Variants in SPATA31C2 observed in about 807,000 individuals in gnomAD.
SPATA31C2 encodes spermatogenesis-associated protein 31C2.
Under a neutral mutation model 11.4 loss-of-function variants are expected in SPATA31C2, and 5 were observed. The ratio of observed to expected loss-of-function variants is 0.44; its 90% confidence interval spans 0.23 to 0.92. The LOEUF (loss-of-function observed/expected upper bound fraction) is 0.92, where lower values mean the gene tolerates loss of function less well. Among genes scored for constraint, SPATA31C2 ranks in the 40% least tolerant of loss-of-function variants. SPATA31C2 has a pLI of 0.24. For synonymous variants in SPATA31C2, 515 were observed against 538.7 expected (o/e 0.96, Z 0.61); for missense variants, 1,353 against 1,368.6 (o/e 0.99, Z 0.18).
In SPATA31C2 at chr9:88,132,125, C is replaced by T; in HGVS notation, c.912G>A (p.Gln304=). 1 of 1,610,620 alleles carries T rather than the reference C, an allele frequency of 6.2e-7. No homozygotes were observed. The highest frequency in any genetic ancestry group is 8.5e-7 in the Non-Finnish European group (1 of 1,177,584). ...KTWCVFNSSV[Q]QDHLSRQRDT... ...CCCTTTGGCGGGAAAGATGATCTTG[C>T]TGGACTGACGAGTTGAAGACGCACC... Residue 304 remains glutamine, a synonymous_variant, in exon 4 of 4, where the codon CAG becomes CAA. Transcript: ENST00000324915.
chr9:88,132,690 T>C lies in SPATA31C2; in HGVS notation c.347A>G (p.Glu116Gly). 5.0e-6 allele frequency: 8 copies of C among 1,605,798 alleles called. No individual in the cohort carries two copies. The highest frequency in any genetic ancestry group is 6.8e-6 in the Non-Finnish European group (8 of 1,176,372). Residue 116 changes from glutamate (E) to glycine (G), a missense_variant, in exon 4 of 4, where the codon GAA becomes GGA. Glu to Gly is a moderately conservative substitution (Grantham distance 98). Transcript: ENST00000324915. ...AGAGAGCTGACCAAAGTCACCTTTT[T>C]CAAGGTGTGGCCCCAGGAGGCTGCA... ...QLQSLLGPHLEKGDFGQLSGP... is the reference protein window; with the variant it reads ...QLQSLLGPHLGKGDFGQLSGP...
At chr9:88,135,991 T>C (rs1825675234) in intron 1 of SPATA31C2, among the ~76,000 whole-genome samples, 2 of 136,462 alleles carry the variant, frequency 1.5e-5, no homozygotes. Context: ...TGGAGTGCAG[T>C]GGCACGCTCT....
chr9:88,134,109 C>T lies in SPATA31C2; in HGVS notation c.190-440G>A, dbSNP rs535199551. 2.0e-5 allele frequency among the ~76,000 whole-genome samples: 3 copies of T among 149,444 alleles called. No homozygotes were observed. The Admixed American group carries it at 2.0e-4, about 10-fold the overall frequency. On this transcript the variant is annotated intron_variant, in intron 1 of 3. Coordinates refer to ENST00000324915, the MANE Select transcript of SPATA31C2 (RefSeq NM_001350978.3). ...AGCAAAGGTGGCACTGAGCCGGTATCGCTCCATTTCACTGCAGCCTGCACA... is the reference window on the plus strand; with the variant it reads ...AGCAAAGGTGGCACTGAGCCGGTATTGCTCCATTTCACTGCAGCCTGCACA...
Position 88,132,060 on chromosome 9 carries a change from A to C in SPATA31C2, c.977T>G (p.Leu326Arg). The C allele has an allele frequency of 6.2e-7, 1 of 1,610,838 alleles. No homozygotes were observed. The highest frequency in any genetic ancestry group is 1.7e-5 in the Admixed American group (1 of 59,840). Reference protein sequence around the residue: ...MSPLLFQAQPLSHLEPESQPF... With the variant: ...MSPLLFQAQPRSHLEPESQPF... The stretch of plus-strand genomic sequence containing the variant: ...TTGGGACTCAGGCTCCAGATGGGAC[A>C]GGGGCTGGGCCTGGAAAAGCAGTGG... Residue 326 changes from leucine to arginine, a missense_variant, in exon 4 of 4, where the codon CTG becomes CGG. By Grantham distance (102) the Leu-to-Arg change is moderately radical. This residue lies in a region of SPATA31C2 where 1,075 missense variants were observed against 992.8 expected (regional missense o/e 1.08). Transcript: ENST00000324915.
Position 88,130,768 on chromosome 9 carries a change from A to G in SPATA31C2, c.2269T>C (p.Leu757=), listed in dbSNP as rs533439203. Reference sequence around the variant, plus strand: ...TCCTGTCCAGCTGTAGGAGCCTTCAAGGACCCATGATCATTCGAAGATGGG... The same window carrying G: ...TCCTGTCCAGCTGTAGGAGCCTTCAGGGACCCATGATCATTCGAAGATGGG... The part of the protein sequence containing the change: ...GIPSSNDHGS[L]KAPTAGQEGR... Residue 757 remains leucine, a synonymous_variant, in exon 4 of 4, where the codon TTG becomes CTG. Transcript: ENST00000324915. 6.2e-7 allele frequency: 1 copy of G among 1,613,258 alleles called. No homozygotes were observed. Among genetic ancestry groups the G allele is most frequent in the South Asian group, 1.1e-5 (1 of 91,044 alleles).
Position 88,131,422 on chromosome 9 carries a change from C to G in SPATA31C2, c.1615G>C (p.Val539Leu). 1 of 1,611,978 alleles carries G rather than the reference C, an allele frequency of 6.2e-7. No homozygotes were observed. The highest frequency in any genetic ancestry group is 8.5e-7 in the Non-Finnish European group (1 of 1,179,864). ...SRGMESFPGK[V>L]LGATSEESER... ...GACTCCTCAGAGGTCGCCCCCAGAACCTTCCCTGGGAAGCTTTCCATGCCC... is the reference window on the plus strand; with the variant it reads ...GACTCCTCAGAGGTCGCCCCCAGAAGCTTCCCTGGGAAGCTTTCCATGCCC... Residue 539 changes from valine to leucine, a missense_variant, in exon 4 of 4, where the codon GTT becomes CTT. Physicochemically the swap from Val to Leu is conservative, Grantham distance 32 (BLOSUM62 1). Coordinates refer to ENST00000324915, the MANE Select transcript of SPATA31C2 (RefSeq NM_001350978.3).
rs1412780149 is a variant in SPATA31C2 at position 88,131,397 on chromosome 9, G to C, written c.1640C>G (p.Ser547Trp). Residue 547 changes from serine to tryptophan, a missense_variant, in exon 4 of 4, where the codon TCG becomes TGG. Physicochemically the swap from Ser to Trp is radical, Grantham distance 177 (BLOSUM62 -3). Coordinates refer to ENST00000324915, the MANE Select transcript of SPATA31C2 (RefSeq NM_001350978.3). ...CAAGGGCTTCCTCAGGTTCCTTTCC[G>C]ACTCCTCAGAGGTCGCCCCCAGAAC... ...GKVLGATSEE[S>W]ERNLRKPLRS... 1 of 1,611,880 alleles carries C rather than the reference G, an allele frequency of 6.2e-7. No homozygotes were observed. The highest frequency in any genetic ancestry group is 1.7e-5 in the Admixed American group (1 of 60,002).
Position 88,130,773 on chromosome 9 carries a change from C to T in SPATA31C2, c.2264G>A (p.Gly755Glu). Reference protein sequence around the residue: ...PRGIPSSNDHGSLKAPTAGQE... With the variant: ...PRGIPSSNDHESLKAPTAGQE... ...TCCAGCTGTAGGAGCCTTCAAGGAC[C>T]CATGATCATTCGAAGATGGGATCCC... Residue 755 changes from glycine to glutamate, a missense_variant, in exon 4 of 4, where the codon GGG (glycine) becomes GAG (glutamate). Physicochemically the swap from Gly to Glu is moderately conservative, Grantham distance 98. Coordinates refer to ENST00000324915, the MANE Select transcript of SPATA31C2 (RefSeq NM_001350978.3). The T allele has an allele frequency of 6.2e-7, 1 of 1,613,174 alleles. No individual in the cohort carries two copies. Among genetic ancestry groups the T allele is most frequent in the South Asian group, 1.1e-5 (1 of 91,036 alleles).
chr9:88,131,992 C>A lies in SPATA31C2; in HGVS notation c.1045G>T (p.Ala349Ser). 6.2e-7 allele frequency: 1 copy of A among 1,610,996 alleles called. No homozygotes were observed. The highest frequency in any genetic ancestry group is 1.1e-5 in the South Asian group (1 of 91,022). ...AGATGGGCCTGAGCCTCGGCCTGAG[C>A]CATAGGTGTGGGCCAGAATTGGGGT... ...STPQFWPTPM[A>S]QAEAQAHLQS... The change falls in exon 4 of 4, where the codon GCT becomes TCT. Residue 349 changes from alanine to serine, a missense_variant. By Grantham distance (99) the Ala-to-Ser change is moderately conservative (BLOSUM62 1). Transcript: ENST00000324915.
Position 88,130,778 on chromosome 9 carries a change from A to G in SPATA31C2, c.2259T>C (p.Asp753=). 1 of 1,613,132 alleles carries G rather than the reference A, an allele frequency of 6.2e-7. No individual in the cohort carries two copies. ...RAPRGIPSSN[D]HGSLKAPTAG... ...CTGTAGGAGCCTTCAAGGACCCATG[A>G]TCATTCGAAGATGGGATCCCTCGCG... Residue 753 remains aspartate, a synonymous_variant, in exon 4 of 4, where the codon GAT becomes GAC. Coordinates refer to ENST00000324915, the MANE Select transcript of SPATA31C2 (RefSeq NM_001350978.3).
chr9:88,130,030 G>A lies in SPATA31C2; in HGVS notation c.3007C>T (p.Pro1003Ser). The change falls in exon 4 of 4, where the codon CCT becomes TCT. Residue 1003 changes from proline (P) to serine (S), a missense_variant. Physicochemically the swap from Pro to Ser is moderately conservative, Grantham distance 74. Around this residue, in one of 6 missense-constraint regions of SPATA31C2, gnomAD observed 187 missense variants for 205.8 expected, o/e 0.91. Transcript: ENST00000324915. ...GVQLLPSKKQ[P>S]PSISHFGENI... is the part of the protein sequence containing the mutation. Reference sequence around the variant, plus strand: ...TCTCCAAAGTGGCTTATTGAAGGAGGCTGTTTCTTTGATGGCAGTAGCTGG... The same window carrying A: ...TCTCCAAAGTGGCTTATTGAAGGAGACTGTTTCTTTGATGGCAGTAGCTGG... 6.2e-7 allele frequency: 1 copy of A among 1,608,858 alleles called. No homozygotes were observed. Among genetic ancestry groups the A allele is most frequent in the African/African-American group, 1.3e-5 (1 of 74,936 alleles).
Position 88,133,605 on chromosome 9 carries a change from T to G in SPATA31C2, c.254A>C (p.His85Pro). 1 of 1,581,592 alleles carries G rather than the reference T, an allele frequency of 6.3e-7. No individual in the cohort carries two copies. Among genetic ancestry groups the G allele is most frequent in the African/African-American group, 1.4e-5 (1 of 70,562 alleles). Residue 85 changes from histidine (H) to proline (P), a missense_variant, in exon 2 of 4, where the codon CAC (histidine) becomes CCC (proline). Coordinates refer to ENST00000324915, the MANE Select transcript of SPATA31C2 (RefSeq NM_001350978.3). ...TGGCAGAGCCTTACCTCTCAGACTG[T>G]GGTTTTTCATCCTGCCTCTGGGCCT... is the stretch of plus-strand genomic sequence containing the variant. The part of the protein sequence containing the change: ...RGRPRGRMKN[H>P]SLRACRECPR...
At position 88,132,398 on chromosome 9, in the gene SPATA31C2, T is replaced by C. The variant is rs1430577874; in HGVS notation, c.639A>G (p.Pro213=). ...AGGCCAGAGGATCAGGAGTGCGTGG[T>C]GGGTGAGGGAAAAGTGCAGGTGGCT... is the stretch of plus-strand genomic sequence containing the variant. ...SPEPPALFPH[P]PRTPDPLACS... is the part of the protein sequence containing the mutation. The change falls in exon 4 of 4, where the codon CCA becomes CCG. Residue 213 remains proline (P), a synonymous_variant. Coordinates refer to ENST00000324915, the MANE Select transcript of SPATA31C2 (RefSeq NM_001350978.3). 6.2e-6 allele frequency: 10 copies of C among 1,610,672 alleles called. No homozygotes were observed. The highest frequency in any genetic ancestry group is 7.6e-6 in the Non-Finnish European group (9 of 1,177,998).
At position 88,131,845 on chromosome 9, in the gene SPATA31C2, C is replaced by G; in HGVS notation, c.1192G>C (p.Glu398Gln). 6.2e-7 allele frequency: 1 copy of G among 1,611,328 alleles called. No homozygotes were observed. Among genetic ancestry groups the G allele is most frequent in the Non-Finnish European group, 8.5e-7 (1 of 1,179,362 alleles). The part of the protein sequence containing the change: ...ALSLPETQHP[E>Q]RPLLKKQLEG... Reference sequence around the variant, plus strand: ...AGTTGTTTCTTCAACAAAGGCCTTTCAGGGTGCTGAGTTTCAGGTAGGGAG... The same window carrying G: ...AGTTGTTTCTTCAACAAAGGCCTTTGAGGGTGCTGAGTTTCAGGTAGGGAG... The change falls in exon 4 of 4, where the codon GAA becomes CAA. Residue 398 changes from glutamate to glutamine, a missense_variant. Transcript: ENST00000324915.
At position 88,132,197 on chromosome 9, in the gene SPATA31C2, G is replaced by A; in HGVS notation, c.840C>T (p.Asn280=). The change falls in exon 4 of 4, where the codon AAC becomes AAT. Residue 280 remains asparagine (N), a synonymous_variant. Coordinates refer to ENST00000324915, the MANE Select transcript of SPATA31C2 (RefSeq NM_001350978.3). ...ACCAGGAGAGGGCAGAAACTTGACTGTTTGAGCCGCCAAGGCCTGAGATGC... is the reference window on the plus strand; with the variant it reads ...ACCAGGAGAGGGCAGAAACTTGACTATTTGAGCCGCCAAGGCCTGAGATGC... ...VPGISGLGGS[N]SQVSALSWSQ... is the part of the protein sequence containing the mutation. 3.1e-6 allele frequency: 5 copies of A among 1,610,590 alleles called. No individual in the cohort carries two copies. Among genetic ancestry groups the A allele is most frequent in the Non-Finnish European group, 4.2e-6 (5 of 1,177,600 alleles).
In SPATA31C2 at chr9:88,132,649, C is replaced by T. The variant is rs917160572; in HGVS notation, c.388G>A (p.Gly130Ser). ...FGQLSGPDPP[G>S]EVGKRTPDGA... The stretch of plus-strand genomic sequence containing the variant: ...TCAGGTGTTCTTTTGCCCACCTCAC[C>T]TGGCGGGTCTGGACCAGAGAGCTGA... Residue 130 changes from glycine (G) to serine (S), a missense_variant, in exon 4 of 4, where the codon GGT (glycine) becomes AGT (serine). Gly to Ser is a moderately conservative substitution (Grantham distance 56). Coordinates refer to ENST00000324915, the MANE Select transcript of SPATA31C2 (RefSeq NM_001350978.3). 5 of 1,609,012 alleles carry T rather than the reference C, an allele frequency of 3.1e-6. No individual in the cohort carries two copies. The highest frequency in any genetic ancestry group is 2.2e-5 in the East Asian group (1 of 44,630).
rs200958103 is a variant in SPATA31C2, at chr9:88,132,555, G to T, written c.482C>A (p.Pro161Gln). Residue 161 changes from proline (P) to glutamine (Q), a missense_variant, in exon 4 of 4, where the codon CCG becomes CAG. Around this residue, in one of 6 missense-constraint regions of SPATA31C2, gnomAD observed 1,075 missense variants for 992.8 expected, o/e 1.08. Coordinates refer to ENST00000324915, the MANE Select transcript of SPATA31C2 (RefSeq NM_001350978.3). ...AAPIVSPLASPDPRTKHPQDL... is the reference protein window; with the variant it reads ...AAPIVSPLASQDPRTKHPQDL... ...CTGAGGATGCTTGGTTCGAGGATCC[G>T]GGGAAGCTAACGGGGAGACAATGGG... The T allele has an allele frequency of 1.4e-4, 233 of 1,610,516 alleles. No homozygotes were observed. The highest frequency in any genetic ancestry group is 1.9e-4 in the Non-Finnish European group (221 of 1,177,832).
Position 88,131,754 on chromosome 9 carries a change from G to A in SPATA31C2, c.1283C>T (p.Pro428Leu), listed in dbSNP as rs1482312549. 2 of 1,611,910 alleles carry A rather than the reference G, an allele frequency of 1.2e-6. No homozygotes were observed. The highest frequency in any genetic ancestry group is 2.2e-5 in the South Asian group (2 of 90,986). ...KSQDVFSVSTPNLPQERLTSI... is the reference protein window; with the variant it reads ...KSQDVFSVSTLNLPQERLTSI... ...TGTCAGTCTTTCCTGGGGAAGGTTA[G>A]GAGTGGAGACACTAAAGACGTCCTG... The change falls in exon 4 of 4, where the codon CCT (proline) becomes CTT (leucine). Residue 428 changes from proline (P) to leucine (L), a missense_variant. Pro to Leu is a moderately conservative substitution (Grantham distance 98). Around this residue, in one of 6 missense-constraint regions of SPATA31C2, gnomAD observed 1,075 missense variants for 992.8 expected, o/e 1.08. Coordinates refer to ENST00000324915, the MANE Select transcript of SPATA31C2 (RefSeq NM_001350978.3).
rs571347778 is a variant in SPATA31C2, at chr9:88,132,356, C to A, written c.681G>T (p.Pro227=). Residue 227 remains proline, a synonymous_variant, in exon 4 of 4, where the codon CCG becomes CCT. Transcript: ENST00000324915. ...GCAGGGGAGGAGGAGTGAAGCCTTT[C>A]GGAGGAGGCGGAGAGCAGGCCAGAG... is the stretch of plus-strand genomic sequence containing the variant. ...PDPLACSPPP[P]KGFTPPPLRD... is the part of the protein sequence containing the mutation. The A allele has an allele frequency of 1.2e-6, 2 of 1,610,936 alleles. No individual in the cohort carries two copies. Among genetic ancestry groups the A allele is most frequent in the South Asian group, 2.2e-5 (2 of 91,012 alleles).
Sources: gnomAD v4.1 joint callset for allele counts (sites outside exome capture counted in the v4.1 genomes callset) on GRCh38, gnomAD v4.1.1 for gene constraint, gnomAD v4.1.1 regional missense constraint, MANE v1.5 for transcripts, NCBI Gene and HGNC (gene_info 2026-07-23, HGNC 2026-07-21) for gene names.